The following DLC1 variants were observed in gnomAD, a reference collection of about 807,000 sequenced individuals.
DLC1 encodes the protein DLC1 Rho GTPase activating protein, also known as rho GTPase-activating protein 7.
DLC1 carries 54 observed loss-of-function variants against 140.3 expected under a neutral mutation model. The ratio of observed to expected loss-of-function variants is 0.38; its 90% CI spans 0.31 to 0.48. The LOEUF is 0.48. Among genes scored for constraint, DLC1 ranks in the 20% least tolerant of loss-of-function variants. DLC1 has a pLI of 0.96. For synonymous variants in DLC1, 986 were observed against 728.1 expected, an observed-to-expected ratio of 1.35 and a Z score of -5.70; for missense variants, 2,536 against 1,907.0, an observed-to-expected ratio of 1.33 and a Z score of -6.14.
intron 4 of DLC1, among the ~76,000 whole-genome samples, chr8:13,379,037 T>C (rs527534300): frequency 3.9e-5 from 6 of 152,292 alleles, no homozygotes; most frequent in African/African-American, 1.4e-4. Flanking sequence ...GCAATAAATG[T>C]TTTCTGGTTT....
rs1394167779 is a variant in DLC1 at position 13,094,858 on chromosome 8, C to G, written c.3427G>C (p.Ala1143Pro). Residue 1143 changes from alanine to proline, a missense_variant, in exon 12 of 18, where the codon GCT (alanine) becomes CCT (proline). Physicochemically the swap from Ala to Pro is conservative, Grantham distance 27 (BLOSUM62 -1). Coordinates refer to ENST00000276297, the MANE Select transcript of DLC1 (RefSeq NM_182643.3). ...TTCAGCATGTCTGCCACGTCATAAG[C>G]AGACTGTCCTTCGTAGTTGACACAG... ...IDCVNYEGQS[A>P]YDVADMLKQY... 6.2e-7 allele frequency: 1 copy of G among 1,614,226 alleles called. No individual in the cohort carries two copies. Among genetic ancestry groups the G allele is most frequent in the Non-Finnish European group, 8.5e-7 (1 of 1,180,046 alleles).
At chr8:13,209,620 T>C (rs1827840595) in intron 5 of DLC1, among the ~76,000 whole-genome samples, 1 of 152,160 alleles carries the variant, frequency 6.6e-6, no homozygotes, top group African/African-American at 2.4e-5. Context: ...TGTTCGGGTC[T>C]TGGGGGTGGA....
In DLC1 at chr8:13,279,427, A is replaced by T. The variant is rs181565840; in HGVS notation, c.1348+25842T>A. 1.7e-4 allele frequency among the ~76,000 whole-genome samples: 26 copies of T among 152,320 alleles called. 1 individual carries two copies. Among genetic ancestry groups the T allele is most frequent in the Admixed American group, 6.5e-4 (10 of 15,298 alleles). Reference sequence around the variant, plus strand: ...TTGCATTAGGTAGAATGACCCACAGACTTCACCTACTTAAGAGGACTTTAT... The same window carrying T: ...TTGCATTAGGTAGAATGACCCACAGTCTTCACCTACTTAAGAGGACTTTAT... On this transcript the variant is annotated intron_variant, in intron 5 of 17. Transcript: ENST00000276297.
At chr8:13,600,112 C>A (rs2117496590) in intron 1 of DLC1, among the ~76,000 whole-genome samples, 1 of 151,994 alleles carries the variant, frequency 6.6e-6, no homozygotes, top group Non-Finnish European at 1.5e-5. Context: ...TGGTCCCCTT[C>A]TTTTAGGAGT....
At chr8:13,344,973 TA>T (rs1306154998) in intron 4 of DLC1, among the ~76,000 whole-genome samples, 1 of 152,148 alleles carries the variant, frequency 6.6e-6, no homozygotes, top group Non-Finnish European at 1.5e-5. Context: ...AGGGGAACGA[TA>T]AAAACAAGTT....
At chr8:13,147,498 C>A (rs1017790044) in intron 5 of DLC1, among the ~76,000 whole-genome samples, 34 of 152,100 alleles carry the variant, frequency 2.2e-4, no homozygotes, top group African/African-American at 8.2e-4. Flanking sequence ...CTGATACTGA[C>A]CATGTGAATC....
At chr8:13,456,851 G>C (rs981770397) in intron 2 of DLC1, among the ~76,000 whole-genome samples, 2 of 152,128 alleles carry the variant, frequency 1.3e-5, no homozygotes, top group African/African-American at 4.8e-5. Context: ...TGTGATTATA[G>C]TACTCTTTCC....
intron 5 of DLC1, among the ~76,000 whole-genome samples, chr8:13,222,997 C>T (rs1429070388): frequency 6.6e-6 from 1 of 152,150 alleles, no homozygotes; most frequent in Non-Finnish European, 1.5e-5. Flanking sequence ...AAGGGATCCT[C>T]CCACCTCAGC....
intron 1 of DLC1, among the ~76,000 whole-genome samples, chr8:13,548,918 G>A (rs1189966800): frequency 1.3e-4 from 20 of 152,088 alleles, no homozygotes. Flanking sequence ...TGAATTCAGT[G>A]GAAGATCAAT....
chr8:13,549,399 AG>A (rs936615872), intron 1 of DLC1, among the ~76,000 whole-genome samples: 10 of 152,286 alleles, frequency 6.6e-5, no homozygotes, highest in African/African-American at 1.7e-4. Flanking sequence ...TGAGTTGAAA[AG>A]TATTTCAAAA....
At chr8:13,193,290 T>C (rs145066006) in intron 5 of DLC1, among the ~76,000 whole-genome samples, 258 of 152,284 alleles carry the variant, frequency 1.7e-3, no homozygotes, top group African/African-American at 5.8e-3. Context: ...TTGAAGCCTA[T>C]CAGGGACAAC....
intron 1 of DLC1, chr8:13,566,834 C>G: frequency 2.1e-6 from 2 of 975,562 alleles, no homozygotes; most frequent in East Asian, 2.8e-5. Context: ...ATGAGCGGCC[C>G]GCGTTGCCAA....
At chr8:13,125,432 G>A (rs1821468638) in intron 5 of DLC1, among the ~76,000 whole-genome samples, 1 of 152,188 alleles carries the variant, frequency 6.6e-6, no homozygotes, top group African/African-American at 2.4e-5. Flanking sequence ...TGCATAGAAG[G>A]CTCTTAAGAG....
intron 5 of DLC1, among the ~76,000 whole-genome samples, chr8:13,128,764 G>A (rs1563653925): frequency 1.3e-5 from 2 of 151,998 alleles, no homozygotes; most frequent in Non-Finnish European, 2.9e-5. Context: ...GAACCCGGGA[G>A]GCGGAGCTTG....
chr8:13,207,851 C>T (rs938527809), intron 5 of DLC1, among the ~76,000 whole-genome samples: 11 of 152,060 alleles, frequency 7.2e-5, no homozygotes, highest in South Asian at 6.2e-4. Context: ...TCAATGGTGC[C>T]GGGGTTGAGA....
At chr8:13,519,896 A>G (rs972813592) in intron 1 of DLC1, among the ~76,000 whole-genome samples, 2 of 152,268 alleles carry the variant, frequency 1.3e-5, no homozygotes, top group Non-Finnish European at 2.9e-5. Flanking sequence ...TGGTAATTAG[A>G]GAAATGCAAA....
At chr8:13,240,473 T>A (rs1829495910) in intron 5 of DLC1, among the ~76,000 whole-genome samples, 1 of 152,100 alleles carries the variant, frequency 6.6e-6, no homozygotes, top group Non-Finnish European at 1.5e-5. Flanking sequence ...CAGGCTGGAG[T>A]CCAGTTATAT....
intron 1 of DLC1, among the ~76,000 whole-genome samples, chr8:13,587,073 A>G (rs956472880): frequency 1.1e-5 from 1 of 93,108 alleles, no homozygotes; most frequent in Non-Finnish European, 2.1e-5. Context: ...TTGGGAAAAT[A>G]GTTTACACAC....
chr8:13,425,036 C>T (rs144668519), intron 2 of DLC1, among the ~76,000 whole-genome samples: 23 of 151,444 alleles, frequency 1.5e-4, no homozygotes, highest in South Asian at 4.2e-4. Context: ...TTTTCACATG[C>T]CATGTGTCCA....
Sources: gnomAD v4.1 joint callset for allele counts (sites outside exome capture counted in the v4.1 genomes callset) on GRCh38, gnomAD v4.1.1 for gene constraint, MANE v1.5 for transcripts, NCBI Gene and HGNC (gene_info 2026-07-23, HGNC 2026-07-21) for gene names.